Variants in PTPRK observed in about 807,000 individuals in gnomAD.
PTPRK encodes the protein protein tyrosine phosphatase receptor type K.
PTPRK carries 75 observed loss-of-function variants against 178.0 expected under a neutral mutation model. The observed-to-expected ratio is 0.42, with a 90% CI of 0.35 to 0.51. The LOEUF (loss-of-function observed/expected upper bound fraction) is 0.51, where lower values mean the gene tolerates loss of function less well. PTPRK is among the 20% of genes least tolerant of loss of function. The pLI, the probability that PTPRK is intolerant of heterozygous loss-of-function variation, is 0.02. For missense variants in PTPRK, 1,441 were observed against 1,797.8 expected, an observed-to-expected ratio of 0.80 and a Z score of 3.59; for synonymous variants, 637 against 620.6, an observed-to-expected ratio of 1.03 and a Z score of -0.39.
chr6:128,137,723 TG>T (rs1795211023), intron 7 of PTPRK, among the ~76,000 whole-genome samples: 1 of 151,954 alleles, frequency 6.6e-6, no homozygotes. Flanking sequence ...TTAGAAGTAA[TG>T]GGAGGCTCAT....
intron 25 of PTPRK, 64 bp downstream of exon 25, chr6:127,981,052 G>T: frequency 1.4e-6 from 2 of 1,381,192 alleles, no homozygotes; most frequent in Non-Finnish European, 9.8e-7. Context: ...AAACTAGCCA[G>T]TGTTCAGTTG....
At chr6:128,309,981 A>G (rs560750473) in intron 3 of PTPRK, among the ~76,000 whole-genome samples, 4 of 152,276 alleles carry the variant, frequency 2.6e-5, no homozygotes, top group African/African-American at 9.6e-5. Flanking sequence ...AAAAAATGCC[A>G]TCCACTTATA....
intron 15 of PTPRK, chr6:128,000,051 C>T (rs1777621351): frequency 5.2e-6 from 5 of 965,054 alleles, no homozygotes; most frequent in Non-Finnish European, 6.2e-6. Context: ...GAAGCATGCT[C>T]ATATTTATCA....
intron 10 of PTPRK, among the ~76,000 whole-genome samples, chr6:128,081,010 G>A (rs1014319134): frequency 6.6e-6 from 1 of 151,804 alleles, no homozygotes; most frequent in South Asian, 2.1e-4. Flanking sequence ...AGCCTTGAGA[G>A]ACATACACAC....
chr6:128,014,205 CT>C (rs1779352126), intron 13 of PTPRK, among the ~76,000 whole-genome samples: 1 of 151,602 alleles, frequency 6.6e-6, no homozygotes, highest in Non-Finnish European at 1.5e-5. Context: ...ATAAGATGAA[CT>C]TGATAACAAA....
intron 7 of PTPRK, among the ~76,000 whole-genome samples, chr6:128,156,018 CG>C (rs1429541865): frequency 2.6e-5 from 4 of 151,840 alleles, no homozygotes; most frequent in Admixed American, 2.0e-4. Context: ...GTTTAAGAAA[CG>C]TAAGTTCTGT....
intron 13 of PTPRK, among the ~76,000 whole-genome samples, chr6:128,041,254 C>A (rs1182789370): frequency 2.0e-5 from 3 of 152,016 alleles, no homozygotes; most frequent in Non-Finnish European, 4.4e-5. Flanking sequence ...CTATGAATCA[C>A]ACATAGTGGT....
chr6:128,368,575 C>G (rs575250477), intron 2 of PTPRK, among the ~76,000 whole-genome samples: 2 of 152,156 alleles, frequency 1.3e-5, no homozygotes, highest in African/African-American at 2.4e-5. Flanking sequence ...ATAAATGCTA[C>G]TAACTCAAGA....
intron 2 of PTPRK, among the ~76,000 whole-genome samples, chr6:128,327,784 C>T (rs375346092): frequency 6.6e-6 from 1 of 152,132 alleles, no homozygotes; most frequent in East Asian, 1.9e-4. Flanking sequence ...AACTTTAACG[C>T]TGTGAAGAAA....
chr6:128,488,132 C>T (rs1853233793), intron 1 of PTPRK, among the ~76,000 whole-genome samples: 1 of 152,166 alleles, frequency 6.6e-6, no homozygotes, highest in South Asian at 2.1e-4. Flanking sequence ...GATCTGAGAG[C>T]CCCTGGCAAA....
chr6:128,236,805 C>A lies in PTPRK; in HGVS notation c.693+3230G>T, dbSNP rs1197563959. ...GTATCATTAGTTCATTTAGCATGTA[C>A]AAGAAGGTAGATCTACTTCAAATAC... is the stretch of plus-strand genomic sequence containing the variant. On this transcript the variant is annotated intron_variant, in intron 5 of 29. Coordinates refer to ENST00000368226, the MANE Select transcript of PTPRK (RefSeq NM_002844.4). 2.0e-5 allele frequency among the ~76,000 whole-genome samples: 3 copies of A among 152,120 alleles called. No individual in the cohort carries two copies. In the East Asian group the frequency reaches 5.8e-4, roughly 29 times the overall value.
At chr6:128,373,411 T>G (rs1836577805) in intron 2 of PTPRK, among the ~76,000 whole-genome samples, 1 of 152,232 alleles carries the variant, frequency 6.6e-6, no homozygotes, top group Admixed American at 6.5e-5. Flanking sequence ...ATTACATTGA[T>G]GTTTATCATT....
At chr6:128,233,617 C>G (rs1812693830) in intron 5 of PTPRK, among the ~76,000 whole-genome samples, 1 of 152,200 alleles carries the variant, frequency 6.6e-6, no homozygotes, top group African/African-American at 2.4e-5. Context: ...GAGCAACTAG[C>G]TGTATCACAC....
At chr6:128,088,079 A>C (rs1201939442) in intron 8 of PTPRK, among the ~76,000 whole-genome samples, 2 of 152,202 alleles carry the variant, frequency 1.3e-5, no homozygotes, top group Non-Finnish European at 1.5e-5. Context: ...TATGAAACTC[A>C]AATAAAAATG....
chr6:128,363,951 T>G (rs564291275), intron 2 of PTPRK, among the ~76,000 whole-genome samples: 1 of 152,214 alleles, frequency 6.6e-6, no homozygotes, highest in African/African-American at 2.4e-5. Flanking sequence ...AGTTACCATA[T>G]CAGTCGATGC....
intron 7 of PTPRK, among the ~76,000 whole-genome samples, chr6:128,151,867 AAAT>A (rs1369493199): frequency 9.2e-5 from 14 of 152,072 alleles, no homozygotes; most frequent in African/African-American, 3.1e-4. Context: ...AATGAAGAAA[AAAT>A]AAAATAGAGT....
At chr6:128,367,681 GATAATA>G (rs1835708309) in intron 2 of PTPRK, among the ~76,000 whole-genome samples, 1 of 152,204 alleles carries the variant, frequency 6.6e-6, no homozygotes, top group East Asian at 1.9e-4. Flanking sequence ...TACAATAAAA[GATAATA>G]TTAAGTATGG....
At chr6:128,375,041 G>A (rs912892476) in intron 2 of PTPRK, among the ~76,000 whole-genome samples, 2 of 148,136 alleles carry the variant, frequency 1.4e-5, no homozygotes, top group South Asian at 2.1e-4. Flanking sequence ...TTTTCTCCAT[G>A]GTACTTAGAA....
chr6:128,416,591 T>C (rs1842885107), intron 1 of PTPRK, among the ~76,000 whole-genome samples: 1 of 145,192 alleles, frequency 6.9e-6, no homozygotes, highest in African/African-American at 2.6e-5. Flanking sequence ...GAGCTTGCAG[T>C]GAGCCGAGAT....
Sources: allele counts gnomAD v4.1 joint callset (sites outside exome capture counted in the v4.1 genomes callset), GRCh38; gene constraint gnomAD v4.1.1; transcripts MANE v1.5; gene names NCBI Gene and HGNC (gene_info 2026-07-23, HGNC 2026-07-21).